The following GPC3 variants were observed in gnomAD, a reference collection of about 807,000 sequenced individuals.
GPC3 encodes glypican-3.
In GPC3, 3 loss-of-function variants were observed where a neutral mutation model predicts 34.4. That is an observed-to-expected ratio of 0.09 (90% CI 0.04 to 0.23). GPC3 has a LOEUF of 0.23. Among genes scored for constraint, GPC3 ranks in the 10% least tolerant of loss-of-function variants. The probability of loss-of-function intolerance (pLI) is 1.00; values close to 1 mark genes in which losing one functional copy is unlikely to be tolerated. For missense variants in GPC3, 351 were observed against 445.6 expected (o/e 0.79, Z 1.91); for synonymous variants, 177 against 174.0 (o/e 1.02, Z -0.13).
At chrX:133,920,276 G>A (rs959034343) in intron 2 of GPC3, among the ~76,000 whole-genome samples, 1 of 111,639 alleles carries the variant, frequency 9.0e-6, no homozygotes, top group Admixed American at 9.5e-5. Context: ...GGAAAAAGGA[G>A]GTAGTGGCAC....
intron 6 of GPC3, among the ~76,000 whole-genome samples, chrX:133,655,802 G>C (rs1004091001): frequency 4.5e-5 from 5 of 112,040 alleles, no homozygotes; most frequent in Non-Finnish European, 7.5e-5. Flanking sequence ...TCATGTCTGA[G>C]ATTCATTTCA....
intron 2 of GPC3, among the ~76,000 whole-genome samples, chrX:133,893,031 G>A (rs752492045): frequency 1.8e-5 from 2 of 111,383 alleles, no homozygotes; most frequent in Admixed American, 9.6e-5. Context: ...CAAGGCGGGC[G>A]GATCATCTGA....
intron 2 of GPC3, among the ~76,000 whole-genome samples, chrX:133,773,613 T>C (rs754993103): frequency 9.0e-6 from 1 of 111,339 alleles, no homozygotes; most frequent in African/African-American, 3.3e-5. Context: ...AATATCAGAA[T>C]GAAGGAAAAA....
intron 1 of GPC3, among the ~76,000 whole-genome samples, chrX:133,983,905 C>G (rs1483517450): frequency 8.9e-6 from 1 of 112,520 alleles, no homozygotes; most frequent in African/African-American, 3.2e-5. Context: ...TTAACATATG[C>G]GCAAATGCAT....
chrX:133,756,379 A>G (rs2071726103), intron 2 of GPC3, among the ~76,000 whole-genome samples: 1 of 112,501 alleles, frequency 8.9e-6, no homozygotes, highest in Non-Finnish European at 1.9e-5. Flanking sequence ...ATGGAAACAT[A>G]CTAGAAGAAA....
At chrX:133,758,731 G>GA (rs1003547088) in intron 2 of GPC3, among the ~76,000 whole-genome samples, 3 of 110,681 alleles carry the variant, frequency 2.7e-5, no homozygotes, top group African/African-American at 9.8e-5. Context: ...GAAAACTAGG[G>GA]AAAAAATCAG....
intron 7 of GPC3, among the ~76,000 whole-genome samples, chrX:133,588,005 C>T (rs2069807291): frequency 9.0e-6 from 1 of 111,389 alleles, no homozygotes; most frequent in Non-Finnish European, 1.9e-5. Flanking sequence ...GAAGGTGTCT[C>T]ATTTGCCCAA....
At chrX:133,855,411 C>T (rs1321719416) in intron 2 of GPC3, among the ~76,000 whole-genome samples, 1 of 109,384 alleles carries the variant, frequency 9.1e-6, no homozygotes, top group Non-Finnish European at 1.9e-5. Flanking sequence ...AGCGATCCGC[C>T]CACCTCAGCC....
At chrX:133,884,480 G>A (rs1445481361) in intron 2 of GPC3, among the ~76,000 whole-genome samples, 3 of 111,673 alleles carry the variant, frequency 2.7e-5, no homozygotes, top group Non-Finnish European at 3.8e-5. Flanking sequence ...TTAATATGAT[G>A]TACAAGCAGT....
chrX:133,545,621 T>G (rs1403064098), intron 7 of GPC3, among the ~76,000 whole-genome samples: 1 of 111,647 alleles, frequency 9.0e-6, no homozygotes, highest in Non-Finnish European at 1.9e-5. Context: ...TGACTGTGCC[T>G]GGGGTGCATG....
chrX:133,951,047 AGTGTGTGTGTGT>A (rs373690687), intron 2 of GPC3, among the ~76,000 whole-genome samples: 876 of 76,699 alleles, frequency 0.011, 16 homozygotes, highest in African/African-American at 0.036. Flanking sequence ...AATTCAAGAA[AGTGTGTGTGTGT>A]GTGTGTGTGT....
chrX:133,852,716 C>A, intron 2 of GPC3, among the ~76,000 whole-genome samples: 1 of 111,149 alleles, frequency 9.0e-6, no homozygotes, highest in Middle Eastern at 4.6e-3. Context: ...CTTCCAACAG[C>A]AGCACACACG....
intron 7 of GPC3, among the ~76,000 whole-genome samples, chrX:133,546,732 T>C (rs752126413): frequency 3.6e-5 from 4 of 112,183 alleles, no homozygotes; most frequent in East Asian, 5.6e-4. Flanking sequence ...TTGGTAGAGA[T>C]GTAAACAACC....
chrX:133,862,394 AT>A (rs1271705265), intron 2 of GPC3, among the ~76,000 whole-genome samples: 1 of 109,464 alleles, frequency 9.1e-6, no homozygotes, highest in African/African-American at 3.3e-5. Flanking sequence ...AAAAAAAAAA[AT>A]AGTGGCCGGG....
At position 133,536,285 on chromosome X, in the gene GPC3, A is replaced by C. The variant is rs779769588; in HGVS notation, c.1582T>G (p.Tyr528Asp). ...GGCGCATCATCCACATCCAGATCATAGGCCAGTTCTGTCAATCAAAAGAGA... is the reference window on the plus strand; with the variant it reads ...GGCGCATCATCCACATCCAGATCATCGGCCAGTTCTGTCAATCAAAAGAGA... ...NQLRFLAELA[Y>D]DLDVDDAPGN... is the part of the protein sequence containing the mutation. The change falls in exon 8 of 8, where the codon TAT becomes GAT. Residue 528 changes from tyrosine (Y) to aspartate (D), a missense_variant. Physicochemically the swap from Tyr to Asp is radical, Grantham distance 160 (BLOSUM62 -3). Coordinates refer to ENST00000370818, the MANE Select transcript of GPC3 (RefSeq NM_004484.4). 8.4e-7 allele frequency: 1 copy of C among 1,197,234 alleles called. No individual in the cohort carries two copies. Among genetic ancestry groups the C allele is most frequent in the East Asian group, 3.0e-5 (1 of 33,693 alleles).
chrX:133,855,824 A>ATT (rs753807925), intron 2 of GPC3, among the ~76,000 whole-genome samples: 1 of 110,680 alleles, frequency 9.0e-6, no homozygotes, highest in East Asian at 2.9e-4. Context: ...ACCTCTACAT[A>ATT]TTTGACCTTT....
At chrX:133,625,520 T>C (rs1407564497) in intron 6 of GPC3, among the ~76,000 whole-genome samples, 1 of 111,213 alleles carries the variant, frequency 9.0e-6, no homozygotes, top group Non-Finnish European at 1.9e-5. Flanking sequence ...TATACACCAA[T>C]AACAGACAAA....
chrX:133,968,570 G>A (rs2076475034), intron 1 of GPC3, among the ~76,000 whole-genome samples: 1 of 111,832 alleles, frequency 8.9e-6, no homozygotes, highest in African/African-American at 3.3e-5. Flanking sequence ...TGAGGATTAA[G>A]TAGGATGTTG....
intron 7 of GPC3, among the ~76,000 whole-genome samples, chrX:133,567,457 T>C (rs997904126): frequency 1.8e-5 from 2 of 112,203 alleles, no homozygotes; most frequent in African/African-American, 6.5e-5. Context: ...CATATTTTCC[T>C]ATGAAGGACA....
Sources: gnomAD v4.1 joint callset for allele counts (sites outside exome capture counted in the v4.1 genomes callset) on GRCh38, gnomAD v4.1.1 for gene constraint, MANE v1.5 for transcripts, NCBI Gene and HGNC (gene_info 2026-07-23, HGNC 2026-07-21) for gene names.